Variants in TFIP11 observed in about 807,000 individuals in gnomAD.
TFIP11 encodes tuftelin interacting protein 11, also known as tuftelin-interacting protein 11.
A neutral mutation model predicts 96.8 loss-of-function variants in TFIP11; 86 were observed. The observed-to-expected ratio is 0.89, with a 90% confidence interval of 0.75 to 1.06. TFIP11 has a LOEUF of 1.06. TFIP11 is among the 50% of genes least tolerant of loss of function. The pLI, the probability that TFIP11 is intolerant of heterozygous loss-of-function variation, is 0.00. For synonymous variants in TFIP11, 405 were observed against 395.2 expected, an observed-to-expected ratio of 1.02 and a Z score of -0.29; for missense variants, 881 against 1,076.7, an observed-to-expected ratio of 0.82 and a Z score of 2.54.
intron 4 of TFIP11, among the ~76,000 whole-genome samples, chr22:26,508,132 C>T (rs1275087016): frequency 6.6e-6 from 1 of 152,124 alleles, no homozygotes; most frequent in Non-Finnish European, 1.5e-5. Context: ...CCTGGGAATA[C>T]AGCAAATAAA....
chr22:26,499,449 G>T lies in TFIP11; in HGVS notation c.984C>A (p.Ile328=). ...PELEHNLQLL[I]DLTEQEIIQN... Reference sequence around the variant, plus strand: ...GGATGATCTCCTGCTCCGTGAGGTCGATGAGCAGCTGCAGGTTGTGCTCCA... The same window carrying T: ...GGATGATCTCCTGCTCCGTGAGGTCTATGAGCAGCTGCAGGTTGTGCTCCA... Residue 328 remains isoleucine (I), a synonymous_variant, in exon 9 of 15, where the codon ATC becomes ATA. Transcript: ENST00000407690. 6.2e-7 allele frequency: 1 copy of T among 1,614,162 alleles called. No individual in the cohort carries two copies. The highest frequency in any genetic ancestry group is 8.5e-7 in the Non-Finnish European group (1 of 1,180,044).
chr22:26,506,379 G>T lies in TFIP11; in HGVS notation c.444C>A (p.His148Gln). The T allele has an allele frequency of 6.2e-7, 1 of 1,614,002 alleles. No homozygotes were observed. The change falls in exon 6 of 15, where the codon CAC becomes CAA. Residue 148 changes from histidine to glutamine, a missense_variant. Physicochemically the swap from His to Gln is conservative, Grantham distance 24. Coordinates refer to ENST00000407690, the MANE Select transcript of TFIP11 (RefSeq NM_012143.4). Reference protein sequence around the residue: ...SFMDFGSWERHTKGIGQKLLQ... With the variant: ...SFMDFGSWERQTKGIGQKLLQ... ...GAAGCTTCTGTCCAATTCCTTTTGT[G>T]TGTCTTTCCCAGCTGCCGAAGTCCA...
At chr22:26,511,389 T>G (rs1711958196) in intron 2 of TFIP11, 1 of 152,240 alleles carries the variant, frequency 6.6e-6, no homozygotes, top group South Asian at 2.1e-4. Context: ...ACTCAAATGT[T>G]AATCTCCTTT....
chr22:26,502,025 T>A lies in TFIP11; in HGVS notation c.676A>T (p.Arg226Trp), dbSNP rs1161044256. Residue 226 changes from arginine (R) to tryptophan (W), a missense_variant, in exon 8 of 15, where the codon AGG (arginine) becomes TGG (tryptophan). Coordinates refer to ENST00000407690, the MANE Select transcript of TFIP11 (RefSeq NM_012143.4). ...TTCTTGCTTCCACTTGGGTCTTTCC[T>A]CCACTGGCTCAGCTCCTTCTGAAAC... ...EEFQKELSQW[R>W]KDPSGSKKKP... 1 of 1,613,874 alleles carries A rather than the reference T, an allele frequency of 6.2e-7. No individual in the cohort carries two copies. The highest frequency in any genetic ancestry group is 8.5e-7 in the Non-Finnish European group (1 of 1,180,008).
intron 14 of TFIP11, chr22:26,493,437 T>A (rs1921484976): frequency 6.6e-6 from 1 of 152,304 alleles, no homozygotes; most frequent in South Asian, 2.1e-4. Flanking sequence ...TGGGCTTATC[T>A]GTAAAACACA....
At position 26,496,576 on chromosome 22, in the gene TFIP11, C is replaced by T. The variant is rs1922076844; in HGVS notation, c.1605+145G>A. On this transcript the variant is annotated intron_variant, in intron 11 of 14. Coordinates refer to ENST00000407690, the MANE Select transcript of TFIP11 (RefSeq NM_012143.4). ...GGGGGAAAAAGTGCTGAGAAAAAGG[C>T]TGGAATTAACACTATAGGTCAATAG... The T allele has an allele frequency of 8.8e-6, 10 of 1,141,314 alleles. No individual in the cohort carries two copies. The Admixed American group carries it at 2.7e-4, about 31-fold the overall frequency. 70.7% of individuals were successfully genotyped at this position (1,141,314 alleles called of 1,614,324 possible).
At chr22:26,499,868 T>C (rs1246557491) in intron 8 of TFIP11, among the ~76,000 whole-genome samples, 1 of 152,228 alleles carries the variant, frequency 6.6e-6, no homozygotes, top group East Asian at 1.9e-4. Context: ...ACAAGCCAGA[T>C]GGAGAAGACT....
chr22:26,500,028 A>G (rs1321889161), intron 8 of TFIP11, among the ~76,000 whole-genome samples: 1 of 152,244 alleles, frequency 6.6e-6, no homozygotes, highest in African/African-American at 2.4e-5. Flanking sequence ...ATAAGCATAG[A>G]AAAAGATCTA....
At chr22:26,500,603 T>C (rs2147134453) in intron 8 of TFIP11, among the ~76,000 whole-genome samples, 1 of 152,070 alleles carries the variant, frequency 6.6e-6, no homozygotes, top group Non-Finnish European at 1.5e-5. Flanking sequence ...GAATGATTCA[T>C]CACCACTTTT....
chr22:26,498,085 T>C (rs1227755947), intron 10 of TFIP11, among the ~76,000 whole-genome samples: 2 of 152,178 alleles, frequency 1.3e-5, no homozygotes, highest in East Asian at 1.9e-4. Flanking sequence ...TTGGTTGGAA[T>C]TGGAGACTAT....
chr22:26,497,935 C>T (rs1569158948), intron 10 of TFIP11, among the ~76,000 whole-genome samples: 1 of 149,862 alleles, frequency 6.7e-6, no homozygotes, highest in Non-Finnish European at 1.5e-5. Context: ...AAATTTACAG[C>T]AGCACAATTC....
Position 26,492,237 on chromosome 22 carries a change from C to A in TFIP11, c.2290G>T (p.Val764Leu). The change falls in exon 15 of 15, where the codon GTG becomes TTG. Residue 764 changes from valine (V) to leucine (L), a missense_variant. Physicochemically the swap from Val to Leu is conservative, Grantham distance 32. Coordinates refer to ENST00000407690, the MANE Select transcript of TFIP11 (RefSeq NM_012143.4). ...AENMAQRGIG[V>L]AASSVPMNFK... ...TTCATGGGCACAGAGCTAGCGGCCA[C>A]GCCAATGCCCCTCTGAGCCATGTTC... is the stretch of plus-strand genomic sequence containing the variant. The A allele has an allele frequency of 6.2e-7, 1 of 1,614,228 alleles. No individual in the cohort carries two copies. The highest frequency in any genetic ancestry group is 1.3e-5 in the African/African-American group (1 of 75,060).
chr22:26,492,376 A>G lies in TFIP11; in HGVS notation c.2159-8T>C. On this transcript the variant is annotated splice_polypyrimidine_tract_variant and splice_region_variant and intron_variant, in intron 14 of 14. Coordinates refer to ENST00000407690, the MANE Select transcript of TFIP11 (RefSeq NM_012143.4). ...CTGGCTGCATGTAGGCACCTAAGAT[A>G]CAGGAGGACAGGGCGGTGAGGAGAG... The G allele has an allele frequency of 6.2e-7, 1 of 1,613,158 alleles. No homozygotes were observed. The highest frequency in any genetic ancestry group is 8.5e-7 in the Non-Finnish European group (1 of 1,179,216).
At chr22:26,494,587 A>G (rs1921681448) in intron 13 of TFIP11, 1 of 764,874 alleles carries the variant, frequency 1.3e-6, no homozygotes, top group Non-Finnish European at 2.1e-6. Flanking sequence ...AGGAGCTGAG[A>G]TAAAGCAAAT....
At chr22:26,496,629 G>A in intron 11 of TFIP11, 92 bp downstream of exon 11, 1 of 1,452,926 alleles carries the variant, frequency 6.9e-7, no homozygotes, top group Non-Finnish European at 9.4e-7. Flanking sequence ...GTTAATTCCA[G>A]GCGTTTTAAC....
intron 10 of TFIP11, 166 bp downstream of exon 10, chr22:26,498,702 TA>T (rs200618512): frequency 0.065 from 27,989 of 429,630 alleles, 2 homozygotes; most frequent in Middle Eastern, 0.083. Context: ...TCAAAAAAAT[TA>T]AAAAAAAAAA....
chr22:26,494,759 G>C, intron 13 of TFIP11, 38 bp downstream of exon 13: 3 of 1,613,570 alleles, frequency 1.9e-6, no homozygotes, highest in Non-Finnish European at 2.5e-6. Flanking sequence ...TCCCCACCCA[G>C]TTCCCTCCCC....
chr22:26,503,058 C>T (rs1423083759), intron 7 of TFIP11, among the ~76,000 whole-genome samples: 1 of 152,234 alleles, frequency 6.6e-6, no homozygotes, highest in Non-Finnish European at 1.5e-5. Context: ...AAGAGTAATA[C>T]TTCAATCAAG....
chr22:26,492,386 A>G lies in TFIP11; in HGVS notation c.2159-18T>C, dbSNP rs758880366. On this transcript the variant is annotated intron_variant, in intron 14 of 14. Transcript: ENST00000407690. Reference sequence around the variant, plus strand: ...GTAGGCACCTAAGATACAGGAGGACAGGGCGGTGAGGAGAGGTGTTTCCAG... The same window carrying G: ...GTAGGCACCTAAGATACAGGAGGACGGGGCGGTGAGGAGAGGTGTTTCCAG... The G allele has an allele frequency of 1.4e-5, 22 of 1,609,806 alleles. No homozygotes were observed. Among genetic ancestry groups the G allele is most frequent in the Admixed American group, 8.3e-5 (5 of 59,942 alleles).
Sources: allele counts gnomAD v4.1 joint callset (sites outside exome capture counted in the v4.1 genomes callset), GRCh38; gene constraint gnomAD v4.1.1; transcripts MANE v1.5; gene names NCBI Gene and HGNC (gene_info 2026-07-23, HGNC 2026-07-21).